SOS1: variants seen among roughly 807,000 people sequenced by gnomAD.
SOS1 encodes son of sevenless homolog 1.
SOS1 carries 25 observed loss-of-function variants against 157.6 expected under a neutral mutation model. The ratio of observed to expected loss-of-function variants is 0.16; its 90% CI spans 0.12 to 0.22. The LOEUF (loss-of-function observed/expected upper bound fraction) is 0.22. Among genes scored for constraint, SOS1 ranks in the 10% least tolerant of loss-of-function variants. SOS1 has a pLI of 1.00. For synonymous variants in SOS1, 528 were observed against 534.0 expected (o/e 0.99, Z 0.16); for missense variants, 1,237 against 1,599.1 (o/e 0.77, Z 3.86).
intron 1 of SOS1, among the ~76,000 whole-genome samples, chr2:39,115,622 G>A (rs1673622084): frequency 6.6e-6 from 1 of 151,770 alleles, no homozygotes; most frequent in Non-Finnish European, 1.5e-5. Flanking sequence ...GTTTTTTGTA[G>A]AGACAGGGTT....
chr2:39,063,928 G>A (rs1671498881), intron 2 of SOS1, among the ~76,000 whole-genome samples: 1 of 151,974 alleles, frequency 6.6e-6, no homozygotes, highest in Admixed American at 6.6e-5. Context: ...AACCTCCTGG[G>A]CTCAGGCGAT....
chr2:39,054,239 A>G (rs2124602789), intron 5 of SOS1, among the ~76,000 whole-genome samples: 1 of 152,266 alleles, frequency 6.6e-6, no homozygotes, highest in Admixed American at 6.5e-5. Context: ...ACTGTTTCTT[A>G]TTCATCTTTG....
At chr2:39,044,680 G>A (rs1003420608) in intron 6 of SOS1, among the ~76,000 whole-genome samples, 2 of 152,112 alleles carry the variant, frequency 1.3e-5, no homozygotes, top group South Asian at 4.1e-4. Context: ...TTTGTGGGAT[G>A]TGAAACCCTT....
chr2:39,026,332 G>A (rs1669960249), intron 8 of SOS1, among the ~76,000 whole-genome samples: 2 of 146,190 alleles, frequency 1.4e-5, no homozygotes, highest in African/African-American at 2.6e-5. Flanking sequence ...TCCAGCCTGG[G>A]CAACAGAGTG....
At chr2:39,073,476 A>C (rs921260589) in intron 1 of SOS1, among the ~76,000 whole-genome samples, 3 of 152,370 alleles carry the variant, frequency 2.0e-5, no homozygotes, top group African/African-American at 7.2e-5. Flanking sequence ...AATTAACAAC[A>C]GCCTTAATAA....
chr2:39,094,504 G>C (rs964206748), intron 1 of SOS1, among the ~76,000 whole-genome samples: 97 of 152,178 alleles, frequency 6.4e-4, no homozygotes, highest in African/African-American at 2.2e-3. Context: ...AAATTAGCCA[G>C]GTGTGGTGGC....
Position 38,995,215 on chromosome 2 carries a change from G to A in SOS1, c.3254C>T (p.Thr1085Ile). ...AGAAGCAGGCGGAGGTGTTAACGGT[G>A]TTCTTGGAGAATTTGGTGCAGATGC... ...STASAPNSPR[T>I]PLTPPPASGA... The change falls in exon 20 of 23, where the codon ACA becomes ATA. Residue 1085 changes from threonine to isoleucine, a missense_variant. Physicochemically the swap from Thr to Ile is moderately conservative, Grantham distance 89. Coordinates refer to ENST00000402219, the MANE Select transcript of SOS1 (RefSeq NM_005633.4). 3 of 1,614,018 alleles carry A rather than the reference G, an allele frequency of 1.9e-6. No individual in the cohort carries two copies. Among genetic ancestry groups the A allele is most frequent in the Non-Finnish European group, 2.5e-6 (3 of 1,179,910 alleles).
At chr2:38,986,625 C>G (rs1668568021) in intron 22 of SOS1, among the ~76,000 whole-genome samples, 3 of 151,936 alleles carry the variant, frequency 2.0e-5, no homozygotes, top group Admixed American at 6.6e-5. Context: ...ACCACCATGC[C>G]TGGCTAATTT....
intron 1 of SOS1, among the ~76,000 whole-genome samples, chr2:39,081,250 T>C (rs1241533252): frequency 1.3e-5 from 2 of 152,184 alleles, no homozygotes; most frequent in African/African-American, 4.8e-5. Flanking sequence ...CTGGGTGTGG[T>C]GGTTCAGGCC....
intron 10 of SOS1, among the ~76,000 whole-genome samples, chr2:39,021,118 G>C (rs1669780725): frequency 6.6e-6 from 1 of 151,512 alleles, no homozygotes; most frequent in Non-Finnish European, 1.5e-5. Context: ...GCTAAAAATT[G>C]ATATAGAAAA....
chr2:39,112,890 T>C (rs1204662492), intron 1 of SOS1, among the ~76,000 whole-genome samples: 2 of 151,862 alleles, frequency 1.3e-5, no homozygotes, highest in African/African-American at 4.8e-5. Flanking sequence ...ACACAAAAGA[T>C]TAGCTGCGTG....
chr2:38,997,023 A>C lies in SOS1; in HGVS notation c.2980T>G (p.Leu994Val). ...TCCATGCTATTTCCCATCGGATTCA[A>C]GTTTTCAAAGAACCTCTAAAATAAA... is the stretch of plus-strand genomic sequence containing the variant. The part of the protein sequence containing the change: ...ESDIKRFFEN[L>V]NPMGNSMEKE... Residue 994 changes from leucine to valine, a missense_variant, in exon 19 of 23, where the codon TTG (leucine) becomes GTG (valine). Transcript: ENST00000402219. The C allele has an allele frequency of 1.3e-6, 2 of 1,567,986 alleles. No individual in the cohort carries two copies. Among genetic ancestry groups the C allele is most frequent in the Non-Finnish European group, 1.8e-6 (2 of 1,139,346 alleles).
chr2:39,011,292 T>G (rs1669460421), intron 14 of SOS1, among the ~76,000 whole-genome samples: 1 of 152,212 alleles, frequency 6.6e-6, no homozygotes, highest in African/African-American at 2.4e-5. Flanking sequence ...AGGTTGAGAC[T>G]CCTCCATAAT....
At chr2:39,005,629 A>G (rs1669260044) in intron 17 of SOS1, among the ~76,000 whole-genome samples, 1 of 152,150 alleles carries the variant, frequency 6.6e-6, no homozygotes, top group Non-Finnish European at 1.5e-5. Context: ...AGCCCAAACA[A>G]TAAAATGTGG....
rs1458299436 is a variant in SOS1, at chr2:39,006,520, T to G, written c.2683A>C (p.Ser895Arg). Residue 895 changes from serine (S) to arginine (R), a missense_variant, in exon 17 of 23, where the codon AGT becomes CGT. This residue lies in a region of SOS1 where 105 missense variants were observed against 236.0 expected (regional missense o/e 0.44). Coordinates refer to ENST00000402219, the MANE Select transcript of SOS1 (RefSeq NM_005633.4). ...RLDHTFEQIP[S>R]RQKKILEEAH... ...TCTTCTAAAATTTTCTTCTGGCGAC[T>G]TGGTATTTGCTATAAGGAAAAAAAA... 1 of 1,565,938 alleles carries G rather than the reference T, an allele frequency of 6.4e-7. No individual in the cohort carries two copies. The highest frequency in any genetic ancestry group is 8.8e-7 in the Non-Finnish European group (1 of 1,136,888).
intron 1 of SOS1, among the ~76,000 whole-genome samples, chr2:39,078,334 T>G (rs916455472): frequency 4.6e-5 from 7 of 152,228 alleles, no homozygotes; most frequent in African/African-American, 1.7e-4. Context: ...AAATGTGAAT[T>G]TTCACCCATT....
intron 21 of SOS1, among the ~76,000 whole-genome samples, chr2:38,988,483 A>C (rs1323985706): frequency 1.3e-5 from 2 of 152,168 alleles, no homozygotes; most frequent in Non-Finnish European, 2.9e-5. Context: ...TCAAAATTAT[A>C]GTTGGCAGTT....
At chr2:39,075,428 G>A (rs1312100092) in intron 1 of SOS1, among the ~76,000 whole-genome samples, 2 of 152,054 alleles carry the variant, frequency 1.3e-5, no homozygotes, top group African/African-American at 2.4e-5. Context: ...TTTTTATCAA[G>A]TGGCTCCTAA....
Position 39,029,803 on chromosome 2 carries a change from C to T in SOS1, c.1074+5409G>A, listed in dbSNP as rs542007163. Among the ~76,000 whole-genome samples, 241 of 152,096 alleles carry T rather than the reference C, an allele frequency of 1.6e-3. 1 individual carries two copies. The highest frequency in any genetic ancestry group is 3.4e-3 in the Admixed American group (52 of 15,280). On this transcript the variant is annotated intron_variant, in intron 8 of 22. Coordinates refer to ENST00000402219, the MANE Select transcript of SOS1 (RefSeq NM_005633.4). ...GCTCCAATACCATGTAGCTTTGAGC[C>T]GATGGTTTCTAGATAAGAATTTCTG...
Sources: gnomAD v4.1 joint callset for allele counts (sites outside exome capture counted in the v4.1 genomes callset) on GRCh38, gnomAD v4.1.1 for gene constraint, gnomAD v4.1.1 regional missense constraint, MANE v1.5 for transcripts, NCBI Gene and HGNC (gene_info 2026-07-23, HGNC 2026-07-21) for gene names.